The following PREX2 variants were observed in gnomAD, a reference collection of about 807,000 sequenced individuals.
PREX2 encodes the protein phosphatidylinositol-3,4,5-trisphosphate dependent Rac exchange factor 2, also known as phosphatidylinositol 3,4,5-trisphosphate-dependent Rac exchanger 2 protein.
A neutral mutation model predicts 203.2 loss-of-function variants in PREX2; 107 were observed. The observed-to-expected ratio is 0.53, with a 90% CI of 0.45 to 0.62. PREX2 has a LOEUF of 0.62. Among genes scored for constraint, PREX2 ranks in the 20% least tolerant of loss-of-function variants. The pLI, the probability that PREX2 is intolerant of heterozygous loss-of-function variation, is 0.00. For synonymous variants in PREX2, 672 were observed against 663.6 expected (o/e 1.01, Z -0.19); for missense variants, 1,777 against 1,955.9 (o/e 0.91, Z 1.72).
At chr8:68,142,916 A>T (rs1811254642) in intron 33 of PREX2, among the ~76,000 whole-genome samples, 1 of 152,132 alleles carries the variant, frequency 6.6e-6, no homozygotes, top group South Asian at 2.1e-4. Context: ...CCAGTGATGA[A>T]TGAGTGCTCC....
At chr8:68,100,218 A>T in intron 23 of PREX2, 1 of 459,438 alleles carries the variant, frequency 2.2e-6, no homozygotes, top group Non-Finnish European at 4.4e-6. Context: ...GAAAACTCTC[A>T]ATCAGAAAGT....
intron 22 of PREX2, among the ~76,000 whole-genome samples, chr8:68,097,525 A>G (rs893232364): frequency 4.6e-5 from 7 of 152,142 alleles, no homozygotes; most frequent in African/African-American, 1.7e-4. Context: ...AGGTTTCACC[A>G]TGTTGCCCAG....
chr8:68,109,585 A>G lies in PREX2; in HGVS notation c.3108A>G (p.Ala1036=), dbSNP rs1563550251. The G allele has an allele frequency of 6.2e-7, 1 of 1,614,018 alleles. No individual in the cohort carries two copies. Among genetic ancestry groups the G allele is most frequent in the East Asian group, 2.2e-5 (1 of 44,876 alleles). ...YQKLLGKLQT[A]LKEVEMCVCQ... ...AACTGCTGGGCAAACTTCAGACTGC[A>G]CTGAAAGAGGTGGAGATGTGTGTTT... Residue 1036 remains alanine (A), a synonymous_variant, in exon 25 of 40, where the codon GCA becomes GCG. Coordinates refer to ENST00000288368, the MANE Select transcript of PREX2 (RefSeq NM_024870.4).
intron 9 of PREX2, among the ~76,000 whole-genome samples, chr8:68,053,492 T>C (rs540461915): frequency 3.3e-5 from 5 of 152,352 alleles, no homozygotes; most frequent in South Asian, 2.1e-4. Flanking sequence ...GTAATACTTA[T>C]ATAGTTAGCA....
At chr8:68,163,975 A>G (rs1201260122) in intron 35 of PREX2, among the ~76,000 whole-genome samples, 1 of 152,204 alleles carries the variant, frequency 6.6e-6, no homozygotes. Context: ...GGTAGTCCTG[A>G]AAGCCAACGA....
chr8:68,145,146 A>C (rs907045032), intron 33 of PREX2, among the ~76,000 whole-genome samples: 1 of 152,156 alleles, frequency 6.6e-6, no homozygotes, highest in Admixed American at 6.5e-5. Context: ...TTTCCCAATT[A>C]TTCAAATGCT....
chr8:67,976,789 C>T (rs1442537923), intron 1 of PREX2, among the ~76,000 whole-genome samples: 2 of 105,050 alleles, frequency 1.9e-5, no homozygotes, highest in South Asian at 8.4e-4. Context: ...AGAGACAGAG[C>T]GAGAGGGGAG....
chr8:68,100,314 T>C, intron 23 of PREX2: 1 of 402,630 alleles, frequency 2.5e-6, no homozygotes, highest in South Asian at 1.9e-5. Context: ...TGCCAAGTAC[T>C]GTTCTAGGTT....
intron 14 of PREX2, among the ~76,000 whole-genome samples, chr8:68,072,840 T>C (rs969268380): frequency 2.0e-5 from 3 of 152,182 alleles, no homozygotes; most frequent in Admixed American, 6.5e-5. Context: ...AATTTGAGAA[T>C]CTGAAGAATA....
At chr8:68,055,038 G>C (rs775059975) in intron 9 of PREX2, among the ~76,000 whole-genome samples, 1 of 152,190 alleles carries the variant, frequency 6.6e-6, no homozygotes, top group Non-Finnish European at 1.5e-5. Flanking sequence ...GAACTTGTTT[G>C]AACTTTTGAG....
At position 68,233,683 on chromosome 8, in the gene PREX2, T is replaced by G. The variant is rs1472718257; in HGVS notation, c.*2305T>G. The G allele has an allele frequency of 2.0e-5, 3 of 152,176 alleles. No homozygotes were observed. The highest frequency in any genetic ancestry group is 4.4e-5 in the Non-Finnish European group (3 of 68,020). 9.4% of individuals were successfully genotyped at this position (152,176 alleles called of 1,614,324 possible). A position where few individuals can be genotyped will look rare whatever the true frequency, so the allele number is the denominator to read the frequency against. On this transcript the variant is annotated 3_prime_UTR_variant, in exon 40 of 40. Coordinates refer to ENST00000288368, the MANE Select transcript of PREX2 (RefSeq NM_024870.4). ...TTATTGCTTCACTTAATCCTCATAA[T>G]AATGACGTGACATGGTACTCTTTTT...
chr8:68,130,630 A>G (rs1290317168), intron 31 of PREX2, among the ~76,000 whole-genome samples: 1 of 152,140 alleles, frequency 6.6e-6, no homozygotes, highest in African/African-American at 2.4e-5. Context: ...AATGAACCCC[A>G]TTTTCCACAT....
At chr8:68,190,024 A>G (rs1394540580) in intron 35 of PREX2, among the ~76,000 whole-genome samples, 1 of 152,186 alleles carries the variant, frequency 6.6e-6, no homozygotes, top group Non-Finnish European at 1.5e-5. Context: ...ACAAAACACT[A>G]TTGCTAGTAA....
chr8:68,070,169 A>T (rs530642278), intron 13 of PREX2, among the ~76,000 whole-genome samples: 31 of 151,876 alleles, frequency 2.0e-4, no homozygotes, highest in Non-Finnish European at 3.7e-4. Context: ...TATTTAATAA[A>T]TTATAGTTGA....
chr8:68,136,277 T>A (rs1176850052), intron 32 of PREX2, among the ~76,000 whole-genome samples: 2 of 151,934 alleles, frequency 1.3e-5, no homozygotes, highest in Non-Finnish European at 2.9e-5. Context: ...TTTCAACTGG[T>A]CTTGTGAAAC....
At chr8:68,134,913 C>T (rs552943486) in intron 32 of PREX2, among the ~76,000 whole-genome samples, 17 of 152,176 alleles carry the variant, frequency 1.1e-4, no homozygotes, top group South Asian at 8.3e-4. Context: ...AGTTTTTTCA[C>T]GTATACCTCC....
chr8:68,028,383 G>A lies in PREX2; in HGVS notation c.543+1060G>A, dbSNP rs1199266317. Reference sequence around the variant, plus strand: ...ATTTTAATATATAAATTACTACTTGGCATCTAAACTTCACAAAATACTCAG... The same window carrying A: ...ATTTTAATATATAAATTACTACTTGACATCTAAACTTCACAAAATACTCAG... On this transcript the variant is annotated intron_variant, in intron 5 of 39. Coordinates refer to ENST00000288368, the MANE Select transcript of PREX2 (RefSeq NM_024870.4). Among the ~76,000 whole-genome samples the A allele has an allele frequency of 5.3e-5, 8 of 151,366 alleles. 1 individual carries two copies. The highest frequency in any genetic ancestry group is 2.0e-4 in the Admixed American group (3 of 15,152).
At chr8:68,072,447 G>A in intron 13 of PREX2, 48 bp from the exon 14 acceptor site, 1 of 1,026,942 alleles carries the variant, frequency 9.7e-7, no homozygotes, top group South Asian at 1.4e-5. Context: ...CTACCCTCTT[G>A]CTTAATTTTT....
chr8:68,004,120 A>G (rs1807025711), intron 1 of PREX2, among the ~76,000 whole-genome samples: 1 of 152,144 alleles, frequency 6.6e-6, no homozygotes. Context: ...GCAGCTTGGC[A>G]GTGAGAGAGC....
Sources: allele counts gnomAD v4.1 joint callset (sites outside exome capture counted in the v4.1 genomes callset), GRCh38; gene constraint gnomAD v4.1.1; transcripts MANE v1.5; gene names NCBI Gene and HGNC (gene_info 2026-07-23, HGNC 2026-07-21).